Variants in MX2 observed in about 807,000 individuals in gnomAD.
The protein encoded by MX2 is MX dynamin like GTPase 2.
In MX2, 51 loss-of-function variants were observed where a neutral mutation model predicts 74.0. That is an observed-to-expected ratio of 0.69 (90% CI 0.55 to 0.87). MX2 has a LOEUF of 0.87. MX2 is among the 40% of genes least tolerant of loss of function. The probability of loss-of-function intolerance (pLI) is 0.00; values close to 1 mark genes in which losing one functional copy is unlikely to be tolerated. For missense variants in MX2, 832 were observed against 908.7 expected (o/e 0.92, Z 1.09); for synonymous variants, 369 against 339.3 (o/e 1.09, Z -0.96).
chr21:41,406,760 T>G lies in MX2; in HGVS notation c.1667T>G (p.Ile556Arg). 1 of 1,614,080 alleles carries G rather than the reference T, an allele frequency of 6.2e-7. No homozygotes were observed. The highest frequency in any genetic ancestry group is 8.5e-7 in the Non-Finnish European group (1 of 1,179,990). Residue 556 changes from isoleucine (I) to arginine (R), a missense_variant, in exon 13 of 14, where the codon ATA (isoleucine) becomes AGA (arginine). Coordinates refer to ENST00000330714, the MANE Select transcript of MX2 (RefSeq NM_002463.2). ...NQTVQSTIED[I>R]KVKHTAKAEN... ...TCTAACCAGAGCACGATTGAAGACA[T>G]AAAAGTGAAACACACAGCAAAGGCA... is the stretch of plus-strand genomic sequence containing the variant.
At chr21:41,372,409 G>T (rs1298665950) in intron 1 of MX2, among the ~76,000 whole-genome samples, 1 of 152,164 alleles carries the variant, frequency 6.6e-6, no homozygotes, top group Admixed American at 6.5e-5. Flanking sequence ...AATATTACTT[G>T]TCAGAAGTTT....
chr21:41,390,485 A>G (rs1308168241), intron 5 of MX2, 80 bp from the exon 6 acceptor site: 6 of 1,586,822 alleles, frequency 3.8e-6, no homozygotes, highest in African/African-American at 2.7e-5. Context: ...TTGCGCCATC[A>G]TGCCTGCCTG....
At chr21:41,382,851 G>C (rs1315885851) in intron 5 of MX2, among the ~76,000 whole-genome samples, 1 of 152,254 alleles carries the variant, frequency 6.6e-6, no homozygotes, top group Non-Finnish European at 1.5e-5. Context: ...GTGATCAGTT[G>C]TGCTGATAGT....
intron 6 of MX2, among the ~76,000 whole-genome samples, chr21:41,394,249 C>T (rs1389418514): frequency 2.0e-5 from 3 of 147,112 alleles, no homozygotes; most frequent in East Asian, 2.0e-4. Flanking sequence ...CCCAGGTGAC[C>T]TGGCCCTGCC....
chr21:41,390,326 G>A, intron 5 of MX2: 1 of 490,606 alleles, frequency 2.0e-6, no homozygotes, highest in South Asian at 2.3e-5. Flanking sequence ...GAATCAGGGG[G>A]TCTTCAGGAA....
chr21:41,378,497 A>G (rs958034508), intron 3 of MX2, among the ~76,000 whole-genome samples: 1 of 152,212 alleles, frequency 6.6e-6, no homozygotes, highest in African/African-American at 2.4e-5. Flanking sequence ...CATTTCTTTG[A>G]TAAGTTGATA....
Position 41,376,389 on chromosome 21 carries a change from A to AC in MX2, c.-71-447_-71-446insC, listed in dbSNP as rs1237812335. On this transcript the variant is annotated intron_variant, in intron 1 of 13. Transcript: ENST00000330714. ...ATCTCTATAAAAAATACACACACACAAAAAAAACTAGCTGGGCATGGTGGT... is the reference window on the plus strand; with the variant it reads ...ATCTCTATAAAAAATACACACACACACAAAAAAACTAGCTGGGCATGGTGGT... 6.8e-4 allele frequency among the ~76,000 whole-genome samples: 99 copies of AC among 146,632 alleles called. 2 individuals carry two copies. Among genetic ancestry groups the AC allele is most frequent in the Non-Finnish European group, 7.0e-4 (46 of 65,914 alleles).
chr21:41,398,320 A>AG (rs1470258257), intron 8 of MX2, among the ~76,000 whole-genome samples: 2 of 152,136 alleles, frequency 1.3e-5, no homozygotes, highest in Non-Finnish European at 2.9e-5. Flanking sequence ...AAAAAAAAAA[A>AG]TTTCTTCTAG....
rs1454043472 is a variant in MX2 at position 41,402,045 on chromosome 21, A to G, written c.1490A>G (p.Asn497Ser). 4 of 1,614,218 alleles carry G rather than the reference A, an allele frequency of 2.5e-6. No homozygotes were observed. Among genetic ancestry groups the G allele is most frequent in the Non-Finnish European group, 3.4e-6 (4 of 1,180,046 alleles). ...GGCAAGGAGCTTCTGGGATTTGTCA[A>G]CTACAAGACATTTGAGATCATCGTG... The part of the protein sequence containing the change: ...YRGKELLGFV[N>S]YKTFEIIVHQ... Residue 497 changes from asparagine to serine, a missense_variant, in exon 11 of 14, where the codon AAC (asparagine) becomes AGC (serine). Transcript: ENST00000330714. This position sits in a 1 kb window ranked among gnomAD's most constrained non-coding sequence, Gnocchi z 4.5.
rs1400027753 is a variant in MX2 at position 41,388,648 on chromosome 21, G to C, written c.733-1917G>C. ...AACCCCAGGATGGGCCCCACACCTG[G>C]TGGGCACTGCTAATGTTTGCTGCAT... On this transcript the variant is annotated intron_variant, in intron 5 of 13. Transcript: ENST00000330714. The surrounding 1 kb of genome is among the most constrained non-coding windows in gnomAD (Gnocchi z 4.0). Among the ~76,000 whole-genome samples, 2 of 152,200 alleles carry C rather than the reference G, an allele frequency of 1.3e-5. No individual in the cohort carries two copies. Among genetic ancestry groups the C allele is most frequent in the South Asian group, 4.1e-4 (2 of 4,838 alleles).
chr21:41,362,781 G>A (rs1463111106), intron 1 of MX2, among the ~76,000 whole-genome samples: 1 of 109,108 alleles, frequency 9.2e-6, no homozygotes, highest in African/African-American at 3.7e-5. Flanking sequence ...TTTTTTGAGA[G>A]AAGTTCTCGT....
At chr21:41,370,118 G>C (rs964633282) in intron 1 of MX2, 1 of 152,280 alleles carries the variant, frequency 6.6e-6, no homozygotes, top group Non-Finnish European at 1.5e-5. Context: ...ACCATGGCGG[G>C]TGGGTAAAGG....
chr21:41,383,605 G>T (rs1195153486), intron 5 of MX2, among the ~76,000 whole-genome samples: 1 of 152,184 alleles, frequency 6.6e-6, no homozygotes, highest in Non-Finnish European at 1.5e-5. Flanking sequence ...CACTTTCCTG[G>T]CTTCTTCCAT....
chr21:41,378,485 A>G (rs36019198), intron 3 of MX2, among the ~76,000 whole-genome samples: 18,695 of 152,262 alleles, frequency 0.12, 1,410 homozygotes, highest in African/African-American at 0.19. Context: ...AGAATGTAGA[A>G]GCATTTCTTT....
At chr21:41,367,127 A>G (rs2089272693) in intron 1 of MX2, 1 of 152,170 alleles carries the variant, frequency 6.6e-6, no homozygotes, top group Non-Finnish European at 1.5e-5. Context: ...AGGATAGGAC[A>G]ATTGTCTCTC....
At chr21:41,381,457 A>ATG (rs1568937580) in intron 4 of MX2, among the ~76,000 whole-genome samples, 7 of 152,142 alleles carry the variant, frequency 4.6e-5, no homozygotes, top group South Asian at 2.1e-4. Context: ...AGGCCGAGGC[A>ATG]GGCGGATCAC....
At chr21:41,379,197 C>T (rs1208756740) in intron 3 of MX2, among the ~76,000 whole-genome samples, 1 of 152,204 alleles carries the variant, frequency 6.6e-6, no homozygotes, top group Non-Finnish European at 1.5e-5. Context: ...GCTCTGGGTT[C>T]AGCATTTGGG....
chr21:41,387,565 A>G (rs749610005), intron 5 of MX2, among the ~76,000 whole-genome samples: 177 of 152,254 alleles, frequency 1.2e-3, no homozygotes, highest in Non-Finnish European at 2.1e-3. Flanking sequence ...TCTCTCCTTA[A>G]GTGAATTGTT....
Position 41,408,195 on chromosome 21 carries a change from C to CA in MX2, c.2111dup (p.His704GlnfsTer30). ...AATTTACCGGCTCACTCAGGCGCGA[C>CA]ACGCACTCTGTCAATTCTCCAGCAA... On this transcript the variant is annotated frameshift_variant, in exon 14 of 14. Coordinates refer to ENST00000330714, the MANE Select transcript of MX2 (RefSeq NM_002463.2). LOFTEE classifies it low-confidence loss of function (END_TRUNC). 1 of 1,614,222 alleles carries CA rather than the reference C, an allele frequency of 6.2e-7. No homozygotes were observed. Among genetic ancestry groups the CA allele is most frequent in the Non-Finnish European group, 8.5e-7 (1 of 1,180,042 alleles).
Sources: gnomAD v4.1 joint callset for allele counts (sites outside exome capture counted in the v4.1 genomes callset) on GRCh38, gnomAD v4.1.1 for gene constraint, Gnocchi (gnomAD v3.1) non-coding constraint, MANE v1.5 for transcripts, NCBI Gene and HGNC (gene_info 2026-07-23, HGNC 2026-07-21) for gene names.